The following ZNF335 variants were observed in gnomAD, a reference collection of about 807,000 sequenced individuals.
ZNF335 encodes zinc finger protein 335.
Under a neutral mutation model 145.6 loss-of-function variants are expected in ZNF335, and 84 were observed. The observed-to-expected ratio is 0.58, with a 90% CI of 0.48 to 0.69. The LOEUF (loss-of-function observed/expected upper bound fraction) is 0.69. ZNF335 is among the 30% of genes least tolerant of loss of function. The pLI is 0.00. For missense variants in ZNF335, 1,865 were observed against 1,809.7 expected (o/e 1.03, Z -0.55); for synonymous variants, 761 against 717.0 (o/e 1.06, Z -0.98).
rs1350312520 is a variant in ZNF335, at chr20:45,953,792, G to A, written c.2599C>T (p.Pro867Ser). The change falls in exon 18 of 28, where the codon CCG (proline) becomes TCG (serine). Residue 867 changes from proline (P) to serine (S), a missense_variant. Coordinates refer to ENST00000322927, the MANE Select transcript of ZNF335 (RefSeq NM_022095.4). ...AESQLGPPDL[P>S]QITLAPGPFG... Reference sequence around the variant, plus strand: ...GGACCAGGTGCCAGGGTGATCTGCGGTAGGTCAGGAGGGCCTAGCTGGCTC... The same window carrying A: ...GGACCAGGTGCCAGGGTGATCTGCGATAGGTCAGGAGGGCCTAGCTGGCTC... 6.2e-7 allele frequency: 1 copy of A among 1,614,198 alleles called. No individual in the cohort carries two copies. The highest frequency in any genetic ancestry group is 1.1e-5 in the South Asian group (1 of 91,092).
In ZNF335 at chr20:45,952,637, G is replaced by A. The variant is rs376025045; in HGVS notation, c.2775C>T (p.Tyr925=). 1.5e-5 allele frequency: 24 copies of A among 1,613,826 alleles called. No homozygotes were observed. The African/African-American group carries it at 3.1e-4, about 21-fold the overall frequency. The change falls in exon 19 of 28, where the codon TAC becomes TAT. Residue 925 remains tyrosine (Y), a synonymous_variant. Coordinates refer to ENST00000322927, the MANE Select transcript of ZNF335 (RefSeq NM_022095.4). The stretch of plus-strand genomic sequence containing the variant: ...ACTGGGTACCATCAGTAGCCATGAT[G>A]TAGTGGGTGCCAGCTTCTTTTAGGG... ...SDTLKEAGTH[Y]IMATDGTQLH...
chr20:45,962,148 T>C lies in ZNF335; in HGVS notation c.1568A>G (p.Tyr523Cys), dbSNP rs2083854659. Residue 523 changes from tyrosine (Y) to cysteine (C), a missense_variant, in exon 10 of 28, where the codon TAC (tyrosine) becomes TGC (cysteine). By Grantham distance (194) the Tyr-to-Cys change is radical (BLOSUM62 -2). Transcript: ENST00000322927. ...GGTGTAGCTGCACTCGTCACACTTG[T>C]AGGGCTTGCTGCCCACGTGGTTGAA... The part of the protein sequence containing the change: ...HMFNHVGSKP[Y>C]KCDECSYTSV... 2 of 1,614,012 alleles carry C rather than the reference T, an allele frequency of 1.2e-6. No homozygotes were observed. Among genetic ancestry groups the C allele is most frequent in the Non-Finnish European group, 1.7e-6 (2 of 1,180,046 alleles).
chr20:45,958,098 G>C (rs1479966759), intron 15 of ZNF335, among the ~76,000 whole-genome samples, 170 bp from the exon 16 acceptor site: 1 of 151,700 alleles, frequency 6.6e-6, no homozygotes, highest in Non-Finnish European at 1.5e-5. Flanking sequence ...ATGCAGGCTG[G>C]AGTACAATGG....
chr20:45,952,799 C>A (rs2083659949), intron 18 of ZNF335, 90 bp from the exon 19 acceptor site: 5 of 1,200,854 alleles, frequency 4.2e-6, no homozygotes, highest in African/African-American at 1.5e-5. Flanking sequence ...GAGTGACTGT[C>A]ACCACAGATG....
At chr20:45,951,167 G>C (rs925119930) in intron 20 of ZNF335, among the ~76,000 whole-genome samples, 14 of 152,230 alleles carry the variant, frequency 9.2e-5, no homozygotes, top group Admixed American at 8.5e-4. Context: ...GCTGGGATAA[G>C]AGGTGTGAGC....
Position 45,949,809 on chromosome 20 carries a change from G to A in ZNF335, c.3660C>T (p.Ser1220=), listed in dbSNP as rs747689204. The stretch of plus-strand genomic sequence containing the variant: ...GTAGCTAGTAGCTCACCTGGTTGTC[G>A]GAGGTCACCAGGTGCTGTACGGTCT... ...DGQTVQHLVT[S]DNQVQYIISQ... is the part of the protein sequence containing the mutation. The change falls in exon 24 of 28, where the codon TCC becomes TCT. Residue 1220 remains serine (S), a synonymous_variant. Transcript: ENST00000322927. The A allele has an allele frequency of 6.8e-6, 11 of 1,614,018 alleles. No homozygotes were observed. The Admixed American group carries it at 1.0e-4, about 15-fold the overall frequency.
chr20:45,962,280 G>T, intron 9 of ZNF335, 98 bp from the exon 10 acceptor site: 1 of 947,622 alleles, frequency 1.1e-6, no homozygotes, highest in Non-Finnish European at 1.7e-6. Context: ...GTTGCTGCGG[G>T]AGCAGCTCAC....
chr20:45,953,133 ACTCCCTG>A (rs1306961924), intron 18 of ZNF335, among the ~76,000 whole-genome samples: 9 of 152,070 alleles, frequency 5.9e-5, no homozygotes, highest in Non-Finnish European at 2.9e-5. Context: ...GGGGATCCTG[ACTCCCTG>A]CTCAGCTCAA....
chr20:45,965,920 C>G (rs746668441), intron 6 of ZNF335, 146 bp from the exon 7 acceptor site: 5 of 1,013,186 alleles, frequency 4.9e-6, no homozygotes, highest in Non-Finnish European at 6.8e-6. Context: ...CTCCTGATCT[C>G]CTCTGGCTGA....
Position 45,952,636 on chromosome 20 carries a change from T to C in ZNF335, c.2776A>G (p.Ile926Val). 6.2e-7 allele frequency: 1 copy of C among 1,613,898 alleles called. No homozygotes were observed. The highest frequency in any genetic ancestry group is 8.5e-7 in the Non-Finnish European group (1 of 1,180,006). The change falls in exon 19 of 28, where the codon ATC becomes GTC. Residue 926 changes from isoleucine to valine, a missense_variant. Transcript: ENST00000322927. ...DTLKEAGTHY[I>V]MATDGTQLHH... ...AACTGGGTACCATCAGTAGCCATGA[T>C]GTAGTGGGTGCCAGCTTCTTTTAGG...
intron 22 of ZNF335, 63 bp from the exon 23 acceptor site, chr20:45,950,132 A>G: frequency 6.2e-7 from 1 of 1,604,644 alleles, no homozygotes; most frequent in South Asian, 1.1e-5. Flanking sequence ...CCCAGCTGCT[A>G]CTGTACCCAG....
intron 20 of ZNF335, among the ~76,000 whole-genome samples, chr20:45,951,174 G>T (rs2083624672): frequency 6.6e-6 from 1 of 152,260 alleles, no homozygotes; most frequent in South Asian, 2.1e-4. Context: ...TAAGAGGTGT[G>T]AGCCACCGTG....
Position 45,953,975 on chromosome 20 carries a change from G to A in ZNF335, c.2443-27C>T, listed in dbSNP as rs568379777. On this transcript the variant is annotated intron_variant, in intron 17 of 27. Transcript: ENST00000322927. ...TGCAACGGCACCAGGGGGCGGGATG[G>A]GAGGCACTGGTGGCAGAGGAGCGGG... 22 of 1,553,370 alleles carry A rather than the reference G, an allele frequency of 1.4e-5. No individual in the cohort carries two copies. The Admixed American group carries it at 2.9e-4, about 20-fold the overall frequency.
intron 17 of ZNF335, 135 bp downstream of exon 17, chr20:45,957,451 C>A: frequency 1.3e-6 from 1 of 787,170 alleles, no homozygotes; most frequent in East Asian, 2.7e-5. Context: ...TTCAGCAGAT[C>A]TGTCTCCTCC....
rs765826565 is a variant in ZNF335 at position 45,959,469 on chromosome 20, C to CATCCCTA, written c.2021-37_2021-36insTAGGGAT. ...ATGTTGGGGCATGCTTAAGTCTGCC[C>CATCCCTA]GTCCCTAGCCTACCCCCTCCAGGAA... On this transcript the variant is annotated intron_variant, in intron 14 of 27. Transcript: ENST00000322927. The CATCCCTA allele has an allele frequency of 4.5e-5, 63 of 1,386,678 alleles. 2 individuals are homozygous for CATCCCTA. In the African/African-American group the frequency reaches 7.3e-4, roughly 16 times the overall value. 85.9% of individuals were successfully genotyped at this position (1,386,678 alleles called of 1,614,324 possible).
In ZNF335 at chr20:45,962,092, C is replaced by T. The variant is rs140842666; in HGVS notation, c.1624G>A (p.Ala542Thr). ...GACCGGTCCCGGCTGTGCACAGCGG[C>T]GTGCCGAATGACGTCCTTCCGGTAG... ...SVYRKDVIRH[A>T]AVHSRDRKKR... Residue 542 changes from alanine (A) to threonine (T), a missense_variant, in exon 10 of 28, where the codon GCC (alanine) becomes ACC (threonine). Physicochemically the swap from Ala to Thr is moderately conservative, Grantham distance 58. Transcript: ENST00000322927. 4.7e-5 allele frequency: 76 copies of T among 1,612,096 alleles called. No homozygotes were observed. In the African/African-American group the frequency reaches 5.5e-4, roughly 12 times the overall value.
In ZNF335 at chr20:45,952,419, C is replaced by G; in HGVS notation, c.2917G>C (p.Glu973Gln). ...QCGGLPRDGPEPPSPAKTHCV... is the reference protein window; with the variant it reads ...QCGGLPRDGPQPPSPAKTHCV... ...TGGGTCTTGGCTGGAGATGGGGGCT[C>G]AGGGCCGTCTCTGGGCAGTCCCCCA... The change falls in exon 20 of 28, where the codon GAG (glutamate) becomes CAG (glutamine). Residue 973 changes from glutamate to glutamine, a missense_variant. Transcript: ENST00000322927. The G allele has an allele frequency of 6.3e-7, 1 of 1,578,998 alleles. No homozygotes were observed. Among genetic ancestry groups the G allele is most frequent in the Non-Finnish European group, 8.6e-7 (1 of 1,159,390 alleles).
Position 45,948,921 on chromosome 20 carries a change from C to A in ZNF335, c.*32G>T, listed in dbSNP as rs375168009. On this transcript the variant is annotated 3_prime_UTR_variant, in exon 28 of 28. Coordinates refer to ENST00000322927, the MANE Select transcript of ZNF335 (RefSeq NM_022095.4). ...CCCCTACCCCCAGGAGAGCTGGCCG[C>A]AAATCCATGATCTGTGTTGGGCCCT... 5.0e-6 allele frequency: 8 copies of A among 1,613,378 alleles called. No homozygotes were observed. The highest frequency in any genetic ancestry group is 6.8e-6 in the Non-Finnish European group (8 of 1,179,976).
At chr20:45,955,309 C>CCACTG (rs1360087459) in intron 17 of ZNF335, among the ~76,000 whole-genome samples, 4 of 131,094 alleles carry the variant, frequency 3.1e-5, no homozygotes, top group African/African-American at 1.2e-4. Flanking sequence ...CGAGATCGCA[C>CCACTG]CACTGCACTC....
Sources: gnomAD v4.1 joint callset for allele counts (sites outside exome capture counted in the v4.1 genomes callset) on GRCh38, gnomAD v4.1.1 for gene constraint, MANE v1.5 for transcripts, NCBI Gene and HGNC (gene_info 2026-07-23, HGNC 2026-07-21) for gene names.